The following UGT2A2 variants were observed in gnomAD, a reference collection of about 807,000 sequenced individuals.
UGT2A2 encodes the protein UDP glucuronosyltransferase family 2 member A2.
Under a neutral mutation model 50.7 loss-of-function variants are expected in UGT2A2, and 60 were observed. That is an observed-to-expected ratio of 1.18 (90% CI 0.96 to 1.47). UGT2A2 has a LOEUF of 1.47. Among genes scored for constraint, UGT2A2 ranks in the 40% most tolerant of loss-of-function variants. The probability of loss-of-function intolerance (pLI) is 0.00; values close to 1 mark genes in which losing one functional copy is unlikely to be tolerated. For missense variants in UGT2A2, 762 were observed against 634.0 expected (o/e 1.20, Z -2.17); for synonymous variants, 242 against 214.6 (o/e 1.13, Z -1.11).
At chr4:69,626,135 T>C (rs918825122) in intron 1 of UGT2A2, among the ~76,000 whole-genome samples, 21 of 151,544 alleles carry the variant, frequency 1.4e-4, no homozygotes, top group African/African-American at 5.1e-4. Context: ...TGATTTTACC[T>C]TGTTGGATAC....
intron 5 of UGT2A2, 142 bp downstream of exon 5, chr4:69,594,335 G>T: frequency 3.5e-6 from 4 of 1,144,928 alleles, no homozygotes; most frequent in Non-Finnish European, 4.8e-6. Context: ...TTAGCAGTTT[G>T]GCAAATAAAA....
Position 69,599,394 on chromosome 4 carries a change from C to T in UGT2A2, c.743G>A (p.Gly248Glu), listed in dbSNP as rs1453437995. ...EWNSYYSKIL[G>E]RPTTLCETMG... Reference sequence around the variant, plus strand: ...AGTCTCACATAACGTAGTGGGTCTTCCTGGAGAAAATGTAACAAGTTGGAT... The same window carrying T: ...AGTCTCACATAACGTAGTGGGTCTTTCTGGAGAAAATGTAACAAGTTGGAT... The change falls in exon 2 of 6, where the codon GGA (glycine) becomes GAA (glutamate). Residue 248 changes from glycine to glutamate, a missense_variant and splice_region_variant. Transcript: ENST00000604629. 1 of 1,611,884 alleles carries T rather than the reference C, an allele frequency of 6.2e-7. No individual in the cohort carries two copies.
At chr4:69,605,032 T>G (rs550224463) in intron 1 of UGT2A2, among the ~76,000 whole-genome samples, 8 of 135,696 alleles carry the variant, frequency 5.9e-5, no homozygotes, top group Admixed American at 3.6e-4. Context: ...AGATAACAAG[T>G]ATATCCAGGA....
At chr4:69,637,858 A>G (rs1721799909) in intron 1 of UGT2A2, among the ~76,000 whole-genome samples, 1 of 151,944 alleles carries the variant, frequency 6.6e-6, no homozygotes, top group African/African-American at 2.4e-5. Context: ...CACAAAGTAA[A>G]CAAGAGAGAA....
chr4:69,630,037 T>G (rs1721298395), intron 1 of UGT2A2, among the ~76,000 whole-genome samples: 1 of 152,098 alleles, frequency 6.6e-6, no homozygotes, highest in South Asian at 2.1e-4. Flanking sequence ...TTACTGGAAT[T>G]TATTTCTCAT....
intron 1 of UGT2A2, among the ~76,000 whole-genome samples, chr4:69,600,168 A>G (rs902995206): frequency 1.3e-5 from 2 of 152,156 alleles, no homozygotes; most frequent in African/African-American, 4.8e-5. Context: ...CCTCTGGGAT[A>G]TATACACCCA....
chr4:69,629,256 C>T (rs908120938), intron 1 of UGT2A2, among the ~76,000 whole-genome samples: 4 of 152,160 alleles, frequency 2.6e-5, no homozygotes, highest in Non-Finnish European at 4.4e-5. Context: ...CTTCCTAGCA[C>T]TATGAATAGC....
chr4:69,634,785 T>G (rs2109961428), intron 1 of UGT2A2, among the ~76,000 whole-genome samples: 1 of 152,316 alleles, frequency 6.6e-6, no homozygotes, highest in East Asian at 1.9e-4. Flanking sequence ...AAGAGATATC[T>G]AAAATTAGCC....
rs913874438 is a variant in UGT2A2, at chr4:69,588,434, A to AT, written c.*937dup. ...CAATGATATCAAATTCCAAGTAAGC[A>AT]TTTTTTATTTTTTGGCATAAAATTA... On this transcript the variant is annotated 3_prime_UTR_variant, in exon 6 of 6. Transcript: ENST00000604629. The AT allele has an allele frequency of 1.1e-3, 170 of 152,200 alleles. No homozygotes were observed. The highest frequency in any genetic ancestry group is 3.9e-3 in the African/African-American group (162 of 41,552). The allele number at this position is 152,200 out of a possible 1,614,324, so 9.4% of individuals were successfully genotyped here.
chr4:69,634,390 G>A (rs1300728251), intron 1 of UGT2A2, among the ~76,000 whole-genome samples: 1 of 152,120 alleles, frequency 6.6e-6, no homozygotes, highest in Non-Finnish European at 1.5e-5. Flanking sequence ...CAGGGAAAGG[G>A]TGGGAAGCAG....
At chr4:69,613,471 G>A (rs907533755) in intron 1 of UGT2A2, among the ~76,000 whole-genome samples, 6 of 151,736 alleles carry the variant, frequency 4.0e-5, no homozygotes, top group African/African-American at 1.5e-4. Flanking sequence ...CCAAAACATA[G>A]TATTCCAACT....
At chr4:69,626,089 T>A (rs987548193) in intron 1 of UGT2A2, among the ~76,000 whole-genome samples, 1 of 151,550 alleles carries the variant, frequency 6.6e-6, no homozygotes, top group South Asian at 2.1e-4. Flanking sequence ...CAGTCATATA[T>A]TTATGCTTTG....
chr4:69,608,528 AC>A (rs1311743146), intron 1 of UGT2A2, among the ~76,000 whole-genome samples: 6 of 152,030 alleles, frequency 3.9e-5, no homozygotes, highest in African/African-American at 9.7e-5. Flanking sequence ...ACTAACCTGC[AC>A]GTTGTGTACA....
At chr4:69,595,646 T>C (rs1232570903) in intron 3 of UGT2A2, among the ~76,000 whole-genome samples, 1 of 152,058 alleles carries the variant, frequency 6.6e-6, no homozygotes, top group Non-Finnish European at 1.5e-5. Context: ...ATAAAAAGAA[T>C]AGAAATGCAA....
At chr4:69,598,950 C>T (rs1402866096) in intron 2 of UGT2A2, among the ~76,000 whole-genome samples, 1 of 152,068 alleles carries the variant, frequency 6.6e-6, no homozygotes. Flanking sequence ...GGGCAGTATC[C>T]TTCGTAATTT....
At chr4:69,608,030 G>A (rs1237350737) in intron 1 of UGT2A2, among the ~76,000 whole-genome samples, 1 of 152,144 alleles carries the variant, frequency 6.6e-6, no homozygotes, top group Non-Finnish European at 1.5e-5. Context: ...CAGGGATCTA[G>A]AATTAGAAAT....
rs148010238 is a variant in UGT2A2 at position 69,633,966 on chromosome 4, CCG to C, written c.742+4931_742+4932del. On this transcript the variant is annotated intron_variant, in intron 1 of 5. Coordinates refer to ENST00000604629, the MANE Select transcript of UGT2A2 (RefSeq NM_001105677.2). ...AATATACAAAATTTTAAAAACCCGG[CCG>C]CGCGCGGTGGCTCACGCCTGTAATC... Among the ~76,000 whole-genome samples the C allele has an allele frequency of 1.5e-3, 221 of 152,190 alleles. 1 individual carries two copies. The highest frequency in any genetic ancestry group is 5.0e-3 in the African/African-American group (208 of 41,526).
rs1364738176 is a variant in UGT2A2 at position 69,602,924 on chromosome 4, C to T, written c.743-3530G>A. ...CTACTAAAAATACAAAAAAATTAGC[C>T]GGGCGTGGTGGCAGGTGCCTGTAAT... On this transcript the variant is annotated intron_variant, in intron 1 of 5. Transcript: ENST00000604629. Among the ~76,000 whole-genome samples, 7 of 134,280 alleles carry T rather than the reference C, an allele frequency of 5.2e-5. 1 individual carries two copies. The highest frequency in any genetic ancestry group is 1.8e-4 in the African/African-American group (6 of 32,884). The allele number at this position is 134,280 out of a possible 152,430, so 88.1% of individuals were successfully genotyped here.
intron 1 of UGT2A2, among the ~76,000 whole-genome samples, chr4:69,615,969 C>T (rs567806958): frequency 6.6e-6 from 1 of 152,120 alleles, no homozygotes; most frequent in African/African-American, 2.4e-5. Context: ...ATGTTTATTG[C>T]AGTACTGTTC....
Sources: allele counts gnomAD v4.1 joint callset (sites outside exome capture counted in the v4.1 genomes callset), GRCh38; gene constraint gnomAD v4.1.1; transcripts MANE v1.5; gene names NCBI Gene and HGNC (gene_info 2026-07-23, HGNC 2026-07-21).